The following ITPR3 variants were observed in gnomAD, a reference collection of about 807,000 sequenced individuals.
The protein encoded by ITPR3 is inositol 1,4,5-trisphosphate receptor type 3, also known as inositol 1,4,5-trisphosphate-gated calcium channel ITPR3.
A neutral mutation model predicts 293.2 loss-of-function variants in ITPR3; 173 were observed. The observed-to-expected ratio is 0.59, with a 90% CI of 0.52 to 0.67. The LOEUF (loss-of-function observed/expected upper bound fraction) is 0.67, where lower values mean the gene tolerates loss of function less well. ITPR3 is among the 30% of genes least tolerant of loss of function. ITPR3 has a pLI of 0.00. For synonymous variants in ITPR3, 1,295 were observed against 1,444.4 expected (o/e 0.90, Z 2.35); for missense variants, 2,796 against 3,592.1 (o/e 0.78, Z 5.66).
rs755296876 is a variant in ITPR3 at position 33,691,656 on chromosome 6, G to C, written c.7267G>C (p.Asp2423His). 6.2e-7 allele frequency: 1 copy of C among 1,614,026 alleles called. No individual in the cohort carries two copies. The highest frequency in any genetic ancestry group is 1.1e-5 in the South Asian group (1 of 91,052). ...GCCACATGGAGCTGCTGCATTTGTGGACACCTGCAGTGGGGACAAGATGGA... is the reference window on the plus strand; with the variant it reads ...GCCACATGGAGCTGCTGCATTTGTGCACACCTGCAGTGGGGACAAGATGGA... ...GMPHGAAAFV[D>H]TCSGDKMDCV... is the part of the protein sequence containing the mutation. The change falls in exon 53 of 58, where the codon GAC becomes CAC. Residue 2423 changes from aspartate (D) to histidine (H), a missense_variant. Asp to His is a moderately conservative substitution (Grantham distance 81, BLOSUM62 -1). Coordinates refer to ENST00000605930, the MANE Select transcript of ITPR3 (RefSeq NM_002224.4). This position sits in a 1 kb window ranked among gnomAD's most constrained non-coding sequence, Gnocchi z 4.9.
chr6:33,693,322 C>T (rs964524368), intron 55 of ITPR3, among the ~76,000 whole-genome samples: 13 of 152,190 alleles, frequency 8.5e-5, no homozygotes, highest in African/African-American at 2.9e-4. Flanking sequence ...CTGGAGTCCT[C>T]GGTTGCTGCT....
chr6:33,662,466 T>C (rs1409888132), intron 7 of ITPR3, 62 bp from the exon 8 acceptor site: 1 of 1,522,596 alleles, frequency 6.6e-7, no homozygotes, highest in East Asian at 2.5e-5. Flanking sequence ...GGCTGGGCCC[T>C]GGGTGGGTCC....
intron 2 of ITPR3, among the ~76,000 whole-genome samples, chr6:33,653,883 A>G (rs1418164666): frequency 6.6e-6 from 1 of 152,192 alleles, no homozygotes; most frequent in African/African-American, 2.4e-5. Flanking sequence ...GAGATCCACA[A>G]AATGATGTGG....
At chr6:33,652,643 T>C (rs1292970022) in intron 2 of ITPR3, among the ~76,000 whole-genome samples, 3 of 151,934 alleles carry the variant, frequency 2.0e-5, no homozygotes, top group Non-Finnish European at 2.9e-5. Flanking sequence ...TTTTTGTATT[T>C]TTAGTAGAGA....
chr6:33,663,476 C>T, intron 9 of ITPR3, 24 bp from the exon 10 acceptor site: 4 of 1,596,606 alleles, frequency 2.5e-6, no homozygotes, highest in Non-Finnish European at 3.4e-6. Context: ...CAGTAGCTCC[C>T]CCACATCTTG....
chr6:33,671,655 TCCCAG>T (rs1348583809), intron 21 of ITPR3, among the ~76,000 whole-genome samples: 3 of 152,144 alleles, frequency 2.0e-5, no homozygotes, highest in African/African-American at 4.8e-5. Flanking sequence ...TCCCAGACAC[TCCCAG>T]GCTGCATAAA....
chr6:33,678,316 T>G (rs2127295924), intron 28 of ITPR3, 105 bp from the exon 29 acceptor site: 1 of 1,489,716 alleles, frequency 6.7e-7, no homozygotes, highest in African/African-American at 1.4e-5. Flanking sequence ...CTCTTCACGG[T>G]CCCAGTCCCA....
At chr6:33,663,152 C>T in intron 9 of ITPR3, 146 bp downstream of exon 9, 1 of 681,962 alleles carries the variant, frequency 1.5e-6, no homozygotes, top group Non-Finnish European at 2.6e-6. Flanking sequence ...CCAATATTAT[C>T]AAATAAAGGC....
chr6:33,680,924 C>A (rs984869940), intron 33 of ITPR3, among the ~76,000 whole-genome samples: 4 of 151,426 alleles, frequency 2.6e-5, no homozygotes, highest in African/African-American at 9.8e-5. Flanking sequence ...GGGTTCACGC[C>A]ATTCTCCTGC....
In ITPR3 at chr6:33,670,282, G is replaced by A. The variant is rs1427650824; in HGVS notation, c.2190-43G>A. On this transcript the variant is annotated intron_variant, in intron 18 of 57. Transcript: ENST00000605930. The surrounding 1 kb of genome is among the most constrained non-coding windows in gnomAD (Gnocchi z 6.7). ...TAGTGCCCAGTGCCAGCAGCCTCCC[G>A]GCTGCCATCTGCCGTGTCCTCACAG... 21 of 1,610,060 alleles carry A rather than the reference G, an allele frequency of 1.3e-5. No homozygotes were observed. The highest frequency in any genetic ancestry group is 1.6e-4 in the Middle Eastern group (1 of 6,072).
At chr6:33,690,237 TG>T in intron 51 of ITPR3, 39 bp downstream of exon 51, 1 of 1,401,536 alleles carries the variant, frequency 7.1e-7, no homozygotes, top group Non-Finnish European at 1.0e-6. Context: ...GATGGGGGCA[TG>T]GGGTGGTTGG....
chr6:33,648,469 C>T (rs1342127354), intron 2 of ITPR3, among the ~76,000 whole-genome samples: 1 of 152,136 alleles, frequency 6.6e-6, no homozygotes, highest in African/African-American at 2.4e-5. Context: ...CCCTCATCCT[C>T]CCAACAGCAT....
At position 33,689,353 on chromosome 6, in the gene ITPR3, G is replaced by A. The variant is rs773120227; in HGVS notation, c.6810G>A (p.Leu2270=). 9 of 1,612,264 alleles carry A rather than the reference G, an allele frequency of 5.6e-6. No homozygotes were observed. Among genetic ancestry groups the A allele is most frequent in the African/African-American group, 1.3e-5 (1 of 74,926 alleles). Residue 2270 remains leucine (L), a synonymous_variant, in exon 50 of 58, where the codon CTG becomes CTA. Coordinates refer to ENST00000605930, the MANE Select transcript of ITPR3 (RefSeq NM_002224.4). ...SIRPLIVALI[L]RSIYYLGIGP... ...GCCCCCTCATCGTGGCGCTCATCCTGCGCTCCATCTACTATCTGGGCATCG... is the reference window on the plus strand; with the variant it reads ...GCCCCCTCATCGTGGCGCTCATCCTACGCTCCATCTACTATCTGGGCATCG...
rs776811445 is a variant in ITPR3 at position 33,658,860 on chromosome 6, G to T, written c.528+32G>T. On this transcript the variant is annotated intron_variant, in intron 5 of 57. Coordinates refer to ENST00000605930, the MANE Select transcript of ITPR3 (RefSeq NM_002224.4). The surrounding 1 kb of genome is among the most constrained non-coding windows in gnomAD (Gnocchi z 6.1). ...GCAGGGCCAGGGTTGGAGGGGCCTG[G>T]TGGAACTCCCGAGGGGCTTCTGTAG... is the stretch of plus-strand genomic sequence containing the variant. The T allele has an allele frequency of 1.1e-5, 18 of 1,612,620 alleles. No homozygotes were observed. Among genetic ancestry groups the T allele is most frequent in the Non-Finnish European group, 1.7e-6 (2 of 1,179,154 alleles).
rs146921850 is a variant in ITPR3, at chr6:33,655,211, T to C, written c.161-555T>C. On this transcript the variant is annotated intron_variant, in intron 2 of 57. Coordinates refer to ENST00000605930, the MANE Select transcript of ITPR3 (RefSeq NM_002224.4). The surrounding 1 kb of genome is among the most constrained non-coding windows in gnomAD (Gnocchi z 4.9). The stretch of plus-strand genomic sequence containing the variant: ...AAGCTGAGCAAGGGTGTGGTTTCAG[T>C]GGAAGATGCGCCTCAGCCTGACCCC... Among the ~76,000 whole-genome samples the C allele has an allele frequency of 7.8e-3, 1,184 of 152,238 alleles. 12 individuals are homozygous for C. Among genetic ancestry groups the C allele is most frequent in the Middle Eastern group, 0.02 (6 of 294 alleles).
In ITPR3 at chr6:33,667,818, G is replaced by A. The variant is rs1320965666; in HGVS notation, c.1740G>A (p.Met580Ile). The A allele has an allele frequency of 9.3e-6, 15 of 1,614,008 alleles. No homozygotes were observed. The highest frequency in any genetic ancestry group is 1.6e-4 in the Middle Eastern group (1 of 6,082). Residue 580 changes from methionine to isoleucine, a missense_variant, in exon 16 of 58, where the codon ATG (methionine) becomes ATA (isoleucine). Transcript: ENST00000605930. This position sits in a 1 kb window ranked among gnomAD's most constrained non-coding sequence, Gnocchi z 4.4. Reference sequence around the variant, plus strand: ...AGCACATTGCCAAGCAGTTTGGGATGATGCAGTCCCAGATTGGCTACGACA... The same window carrying A: ...AGCACATTGCCAAGCAGTTTGGGATAATGCAGTCCCAGATTGGCTACGACA... ...NQEHIAKQFG[M>I]MQSQIGYDIL...
intron 1 of ITPR3, among the ~76,000 whole-genome samples, chr6:33,639,617 G>A (rs1169405553): frequency 1.3e-5 from 2 of 152,164 alleles, no homozygotes; most frequent in Non-Finnish European, 2.9e-5. Context: ...CACGGTGGGT[G>A]ATCAGCATCA....
At chr6:33,645,725 C>T (rs1313564377) in intron 2 of ITPR3, among the ~76,000 whole-genome samples, 6 of 152,254 alleles carry the variant, frequency 3.9e-5, no homozygotes, top group Admixed American at 3.3e-4. Flanking sequence ...TTCTTCCAGC[C>T]TGCTGGGTGT....
In ITPR3 at chr6:33,696,047, CCTAGAG is replaced by C; in HGVS notation, c.*268_*273del. ...ATGCCTTAGCAGAAGATAAATCCTA[CCTAGAG>C]ACCTTTGTTCCTTAAAGCAATAACT... On this transcript the variant is annotated 3_prime_UTR_variant, in exon 58 of 58. Coordinates refer to ENST00000605930, the MANE Select transcript of ITPR3 (RefSeq NM_002224.4). The C allele has an allele frequency of 2.0e-6, 1 of 488,414 alleles. No homozygotes were observed. The highest frequency in any genetic ancestry group is 2.9e-5 in the South Asian group (1 of 33,962). The allele number at this position is 488,414 out of a possible 1,614,324, so 30.3% of individuals were successfully genotyped here. A position where few individuals can be genotyped will look rare whatever the true frequency, so the allele number is the denominator to read the frequency against.
Sources: allele counts gnomAD v4.1 joint callset (sites outside exome capture counted in the v4.1 genomes callset), GRCh38; gene constraint gnomAD v4.1.1; non-coding constraint Gnocchi (gnomAD v3.1); transcripts MANE v1.5; gene names NCBI Gene and HGNC (gene_info 2026-07-23, HGNC 2026-07-21).